The following C12orf56 variants were observed in gnomAD, a reference collection of about 807,000 sequenced individuals.
The protein encoded by C12orf56 is chromosome 12 open reading frame 56.
Under a neutral mutation model 69.9 loss-of-function variants are expected in C12orf56, and 71 were observed. The ratio of observed to expected loss-of-function variants is 1.02; its 90% confidence interval spans 0.84 to 1.24. The LOEUF is 1.24. C12orf56 is among the 50% of genes most tolerant of loss of function. The probability of loss-of-function intolerance (pLI) is 0.00; values close to 1 mark genes in which losing one functional copy is unlikely to be tolerated. For missense variants in C12orf56, 732 were observed against 738.5 expected, an observed-to-expected ratio of 0.99 and a Z score of 0.10; for synonymous variants, 276 against 274.1, an observed-to-expected ratio of 1.01 and a Z score of -0.07.
intron 1 of C12orf56, among the ~76,000 whole-genome samples, chr12:64,377,637 G>A (rs962155919): frequency 3.9e-5 from 6 of 151,916 alleles, no homozygotes; most frequent in African/African-American, 1.2e-4. Context: ...TGCTTTCATA[G>A]CCTTGATTCA....
intron 1 of C12orf56, among the ~76,000 whole-genome samples, chr12:64,374,013 G>C (rs541886609): frequency 1.6e-4 from 24 of 152,164 alleles, no homozygotes; most frequent in African/African-American, 5.8e-4. Flanking sequence ...AAACCTCATT[G>C]CCATCTCCAC....
intron 9 of C12orf56, among the ~76,000 whole-genome samples, chr12:64,277,012 A>AAAAAAAAAAAAAC (rs2038060281): frequency 7.1e-6 from 1 of 141,180 alleles, no homozygotes; most frequent in African/African-American, 2.6e-5. Context: ...AAAAAAAAAA[A>AAAAAAAAAAAAAC]AAAATTACTG....
At chr12:64,352,786 T>C (rs1234116642) in intron 2 of C12orf56, 108 bp downstream of exon 2, 6 of 1,034,390 alleles carry the variant, frequency 5.8e-6, no homozygotes, top group East Asian at 3.1e-5. Flanking sequence ...GATAGGAACC[T>C]GGATTTTAAC....
intron 3 of C12orf56, among the ~76,000 whole-genome samples, chr12:64,327,804 T>G (rs2038863403): frequency 6.6e-6 from 1 of 152,202 alleles, no homozygotes; most frequent in South Asian, 2.1e-4. Context: ...TGGCTTCAAA[T>G]GTAATCAAAA....
At chr12:64,381,560 C>T (rs1403373914) in intron 1 of C12orf56, among the ~76,000 whole-genome samples, 1 of 152,194 alleles carries the variant, frequency 6.6e-6, no homozygotes, top group Non-Finnish European at 1.5e-5. Flanking sequence ...TTAGTTCAGC[C>T]TATGCCCAGA....
intron 5 of C12orf56, among the ~76,000 whole-genome samples, chr12:64,308,955 GAAAGA>G (rs2038567248): frequency 9.5e-6 from 1 of 105,684 alleles, no homozygotes. Flanking sequence ...AAGAAAGAAA[GAAAGA>G]AAGAAAGAAA....
rs1453715829 is a variant in C12orf56 at position 64,390,757 on chromosome 12, C to G, written c.-192G>C. Reference sequence around the variant, plus strand: ...CTTCCCTGGAGCGCCCTCCCCAGCCCTGTCCAGCCTCTCGATCTTTGTCCT... The same window carrying G: ...CTTCCCTGGAGCGCCCTCCCCAGCCGTGTCCAGCCTCTCGATCTTTGTCCT... On this transcript the variant is annotated 5_prime_UTR_variant, in exon 1 of 13. Transcript: ENST00000543942. 3 of 697,274 alleles carry G rather than the reference C, an allele frequency of 4.3e-6. No individual in the cohort carries two copies. Among genetic ancestry groups the G allele is most frequent in the South Asian group, 5.4e-5 (2 of 36,698 alleles). The allele number at this position is 697,274 out of a possible 1,614,324, so 43.2% of individuals were successfully genotyped here. A position where few individuals can be genotyped will look rare whatever the true frequency, so the allele number is the denominator to read the frequency against.
intron 1 of C12orf56, among the ~76,000 whole-genome samples, chr12:64,378,620 A>T (rs1257017586): frequency 6.6e-6 from 1 of 152,178 alleles, no homozygotes; most frequent in Non-Finnish European, 1.5e-5. Context: ...CTTTTAGTAG[A>T]GACAGGGTTT....
At chr12:64,310,629 T>C (rs2038594084) in intron 5 of C12orf56, among the ~76,000 whole-genome samples, 1 of 152,112 alleles carries the variant, frequency 6.6e-6, no homozygotes, top group South Asian at 2.1e-4. Flanking sequence ...GGGAGGGCCC[T>C]CTCTCTATCA....
intron 6 of C12orf56, among the ~76,000 whole-genome samples, chr12:64,286,684 T>C (rs970905671): frequency 1.3e-5 from 2 of 152,178 alleles, no homozygotes; most frequent in African/African-American, 4.8e-5. Flanking sequence ...CCCATGAAAT[T>C]AGGCAAGTTG....
At chr12:64,323,801 A>G (rs978804640) in intron 3 of C12orf56, among the ~76,000 whole-genome samples, 1 of 152,178 alleles carries the variant, frequency 6.6e-6, no homozygotes, top group Non-Finnish European at 1.5e-5. Context: ...GTGAGCCATC[A>G]TGCCCAGCTG....
intron 1 of C12orf56, among the ~76,000 whole-genome samples, chr12:64,377,554 C>G (rs567477037): frequency 3.9e-5 from 6 of 152,146 alleles, no homozygotes; most frequent in Non-Finnish European, 5.9e-5. Context: ...TTTCAAAATG[C>G]AAAGGAGTAC....
At chr12:64,306,023 T>C (rs979578228) in intron 5 of C12orf56, among the ~76,000 whole-genome samples, 3 of 152,240 alleles carry the variant, frequency 2.0e-5, no homozygotes, top group African/African-American at 7.2e-5. Flanking sequence ...TTTTTAATCC[T>C]TTGCCAACTA....
chr12:64,380,644 TTGAG>T (rs1357969707), intron 1 of C12orf56, among the ~76,000 whole-genome samples: 4 of 152,178 alleles, frequency 2.6e-5, no homozygotes, highest in Non-Finnish European at 5.9e-5. Flanking sequence ...TACTTTTAGT[TTGAG>T]TGGTCAGAGA....
chr12:64,270,702 C>T lies in C12orf56; in HGVS notation c.1597G>A (p.Ala533Thr). ...CTCACCACTTGTTTCACAATACTGGCCACAAAAGTAATCTAGACAAGGAAA... is the reference window on the plus strand; with the variant it reads ...CTCACCACTTGTTTCACAATACTGGTCACAAAAGTAATCTAGACAAGGAAA... ...QSCPPIITFV[A>T]SIVKQVVRGL... Residue 533 changes from alanine to threonine, a missense_variant, in exon 12 of 13, where the codon GCC becomes ACC. Physicochemically the swap from Ala to Thr is moderately conservative, Grantham distance 58 (BLOSUM62 0). Transcript: ENST00000543942. The T allele has an allele frequency of 6.2e-7, 1 of 1,605,802 alleles. No homozygotes were observed. Among genetic ancestry groups the T allele is most frequent in the African/African-American group, 1.3e-5 (1 of 74,630 alleles).
At chr12:64,303,451 A>G (rs1401885543) in intron 6 of C12orf56, among the ~76,000 whole-genome samples, 184 bp downstream of exon 6, 1 of 151,152 alleles carries the variant, frequency 6.6e-6, no homozygotes, top group Middle Eastern at 3.2e-3. Context: ...CCACACACAC[A>G]TATACATTAC....
intron 11 of C12orf56, among the ~76,000 whole-genome samples, 181 bp from the exon 12 acceptor site, chr12:64,270,895 TGGTGGCTCAC>T (rs2037979731): frequency 3.3e-5 from 5 of 152,134 alleles, no homozygotes; most frequent in Non-Finnish European, 7.4e-5. Context: ...AAGCTGGGCA[TGGTGGCTCAC>T]GCCTGTAATC....
rs2038661793 is a variant in C12orf56, at chr12:64,314,260, CTTTTTAT to C, written c.895-1515_895-1509del. 5.3e-5 allele frequency among the ~76,000 whole-genome samples: 8 copies of C among 151,890 alleles called. No individual in the cohort carries two copies. The South Asian group carries it at 1.7e-3, about 32-fold the overall frequency. On this transcript the variant is annotated intron_variant, in intron 4 of 12. Transcript: ENST00000543942. ...TCTACCTTGCCAGGCCAATTTTTTA[CTTTTTAT>C]TTTTTAGTAGAGATGGCGTCTTGCT... is the stretch of plus-strand genomic sequence containing the variant.
intron 6 of C12orf56, among the ~76,000 whole-genome samples, chr12:64,297,228 A>T (rs935327174): frequency 1.3e-5 from 2 of 152,182 alleles, no homozygotes; most frequent in Non-Finnish European, 2.9e-5. Context: ...TATTAGTCAT[A>T]TATGCTAATT....
Sources: allele counts gnomAD v4.1 joint callset (sites outside exome capture counted in the v4.1 genomes callset), GRCh38; gene constraint gnomAD v4.1.1; transcripts MANE v1.5; gene names NCBI Gene and HGNC (gene_info 2026-07-23, HGNC 2026-07-21).